SGIP1: variants seen among roughly 807,000 people sequenced by gnomAD.
The protein encoded by SGIP1 is SH3-containing GRB2-like protein 3-interacting protein 1.
In SGIP1, 38 loss-of-function variants were observed where a neutral mutation model predicts 107.5. The ratio of observed to expected loss-of-function variants is 0.35; its 90% CI spans 0.27 to 0.46. The LOEUF is 0.46. Among genes scored for constraint, SGIP1 ranks in the 20% least tolerant of loss-of-function variants. The pLI is 1.00. For missense variants in SGIP1, 929 were observed against 1,019.5 expected, an observed-to-expected ratio of 0.91 and a Z score of 1.21; for synonymous variants, 365 against 366.1, an observed-to-expected ratio of 1.00 and a Z score of 0.03.
chr1:66,725,287 T>C (rs1019180120), intron 19 of SGIP1, among the ~76,000 whole-genome samples: 1 of 152,116 alleles, frequency 6.6e-6, no homozygotes, highest in Admixed American at 6.6e-5. Context: ...GTTATAGCAG[T>C]TCCTCATTTA....
chr1:66,679,609 T>C, intron 13 of SGIP1, 69 bp from the exon 14 acceptor site: 1 of 1,490,690 alleles, frequency 6.7e-7, no homozygotes, highest in Non-Finnish European at 9.1e-7. Flanking sequence ...AAATCCTGCT[T>C]ATTTAAAGTG....
intron 7 of SGIP1, among the ~76,000 whole-genome samples, chr1:66,659,282 G>A (rs189802568): frequency 1.3e-4 from 20 of 152,300 alleles, no homozygotes; most frequent in Admixed American, 5.2e-4. Context: ...GATAATGAAG[G>A]CCTCATTAAG....
intron 1 of SGIP1, among the ~76,000 whole-genome samples, chr1:66,617,988 T>C (rs6656912): frequency 0.7 from 106,425 of 152,124 alleles, 38,927 homozygotes; most frequent in East Asian, 1. Flanking sequence ...ATCACCTGTG[T>C]GACCTGGCAT....
At chr1:66,628,180 C>T (rs1463731980) in intron 2 of SGIP1, among the ~76,000 whole-genome samples, 1 of 152,100 alleles carries the variant, frequency 6.6e-6, no homozygotes, top group Admixed American at 6.6e-5. Flanking sequence ...CAAGTCTTTG[C>T]TATTGTGAAT....
At chr1:66,651,786 T>C (rs1471032662) in intron 7 of SGIP1, among the ~76,000 whole-genome samples, 5 of 152,218 alleles carry the variant, frequency 3.3e-5, no homozygotes, top group Non-Finnish European at 7.3e-5. Context: ...ATGTGATTTC[T>C]CATTTATTAA....
intron 7 of SGIP1, among the ~76,000 whole-genome samples, chr1:66,652,679 C>T (rs4143026): frequency 0.27 from 40,636 of 151,324 alleles, 5,534 homozygotes; most frequent in Admixed American, 0.29. Context: ...ATGAATTTGC[C>T]GCTGCTTGGT....
At position 66,667,539 on chromosome 1, in the gene SGIP1, C is replaced by A. The variant is rs747363838; in HGVS notation, c.481C>A (p.Pro161Thr). The change falls in exon 9 of 25, where the codon CCG (proline) becomes ACG (threonine). Residue 161 changes from proline to threonine, a missense_variant and splice_region_variant. Around this residue, in one of 2 missense-constraint regions of SGIP1, gnomAD observed 588 missense variants for 588.6 expected, o/e 1.00. Coordinates refer to ENST00000371037, the MANE Select transcript of SGIP1 (RefSeq NM_032291.4). ...SPVRKSPRRS[P>T]GAIKRNLSSE... is the part of the protein sequence containing the mutation. ...TTTTTGCTGATCACAGAGGCGCAGCCCGGTAAGAACTCTCAACATTTTTAC... is the reference window on the plus strand; with the variant it reads ...TTTTTGCTGATCACAGAGGCGCAGCACGGTAAGAACTCTCAACATTTTTAC... 6.2e-7 allele frequency: 1 copy of A among 1,613,734 alleles called. No homozygotes were observed. The highest frequency in any genetic ancestry group is 1.3e-5 in the African/African-American group (1 of 75,026).
chr1:66,559,612 T>A (rs977276965), intron 1 of SGIP1, among the ~76,000 whole-genome samples: 6 of 152,056 alleles, frequency 3.9e-5, no homozygotes, highest in African/African-American at 1.4e-4. Context: ...GGGCTTTCGT[T>A]TCTCTACTCT....
chr1:66,620,474 A>G (rs751639274), intron 1 of SGIP1, among the ~76,000 whole-genome samples: 10 of 152,160 alleles, frequency 6.6e-5, no homozygotes, highest in Non-Finnish European at 1.3e-4. Flanking sequence ...GGCCTCAGGA[A>G]ACTCACAATC....
chr1:66,700,921 G>C (rs192220253), intron 18 of SGIP1, among the ~76,000 whole-genome samples: 2,947 of 152,138 alleles, frequency 0.019, 90 homozygotes, highest in African/African-American at 0.067. Context: ...AGACCCCAGA[G>C]AGGAAAAATA....
intron 8 of SGIP1, 32 bp from the exon 9 acceptor site, chr1:66,667,498 G>T (rs766245549): frequency 5.4e-5 from 87 of 1,609,472 alleles, no homozygotes; most frequent in Non-Finnish European, 7.1e-5. Context: ...CTGACTAGGT[G>T]TCTGTTCTCT....
chr1:66,550,980 T>C (rs1387917959), intron 1 of SGIP1, among the ~76,000 whole-genome samples: 1 of 152,100 alleles, frequency 6.6e-6, no homozygotes. Context: ...GGCAGAACAA[T>C]GGCATTCTCT....
intron 1 of SGIP1, among the ~76,000 whole-genome samples, chr1:66,564,587 A>G (rs976961745): frequency 1.4e-4 from 21 of 151,908 alleles, no homozygotes; most frequent in African/African-American, 5.1e-4. Flanking sequence ...TCCTCTTTAC[A>G]CTGGTCCACA....
intron 1 of SGIP1, among the ~76,000 whole-genome samples, chr1:66,557,928 C>T (rs1443817080): frequency 3.9e-5 from 6 of 152,038 alleles, no homozygotes; most frequent in African/African-American, 1.4e-4. Flanking sequence ...CAATCAGATG[C>T]CTTATATGGT....
intron 18 of SGIP1, among the ~76,000 whole-genome samples, chr1:66,699,340 G>T (rs1294208974): frequency 6.6e-6 from 1 of 152,030 alleles, no homozygotes; most frequent in Admixed American, 6.5e-5. Flanking sequence ...ACTCCTTATT[G>T]CTGTTAACAG....
intron 18 of SGIP1, among the ~76,000 whole-genome samples, chr1:66,707,283 C>CTGAG (rs2092593771): frequency 6.6e-6 from 1 of 152,144 alleles, no homozygotes; most frequent in Non-Finnish European, 1.5e-5. Context: ...TTCAGTATAA[C>CTGAG]CATCAGAAAC....
At chr1:66,634,381 C>A (rs1485524888) in intron 3 of SGIP1, among the ~76,000 whole-genome samples, 1 of 152,168 alleles carries the variant, frequency 6.6e-6, no homozygotes, top group Non-Finnish European at 1.5e-5. Context: ...TCTAAGGCCC[C>A]CTTGCTGCTT....
intron 7 of SGIP1, among the ~76,000 whole-genome samples, chr1:66,650,036 T>G (rs1189045708): frequency 1.3e-5 from 2 of 152,176 alleles, no homozygotes; most frequent in African/African-American, 2.4e-5. Flanking sequence ...AAGCTACATG[T>G]AAAGATTGTC....
intron 3 of SGIP1, 38 bp from the exon 4 acceptor site, chr1:66,635,906 T>A: frequency 6.2e-7 from 1 of 1,603,530 alleles, no homozygotes; most frequent in Non-Finnish European, 8.5e-7. Context: ...AGCAGATCTT[T>A]TAACCACTTT....
Sources: allele counts gnomAD v4.1 joint callset (sites outside exome capture counted in the v4.1 genomes callset), GRCh38; gene constraint gnomAD v4.1.1; regional missense constraint gnomAD v4.1.1; transcripts MANE v1.5; gene names NCBI Gene and HGNC (gene_info 2026-07-23, HGNC 2026-07-21).